TPTE2: variants seen among roughly 807,000 people sequenced by gnomAD.
TPTE2 encodes the protein transmembrane phosphoinositide 3-phosphatase and tensin homolog 2.
A neutral mutation model predicts 78.6 loss-of-function variants in TPTE2; 53 were observed. That is an observed-to-expected ratio of 0.67 (90% CI 0.54 to 0.85). The LOEUF (loss-of-function observed/expected upper bound fraction) is 0.85, where lower values mean the gene tolerates loss of function less well. Among genes scored for constraint, TPTE2 ranks in the 40% least tolerant of loss-of-function variants. The pLI is 0.00. For missense variants in TPTE2, 461 were observed against 623.0 expected (o/e 0.74, Z 2.77); for synonymous variants, 175 against 206.2 (o/e 0.85, Z 1.30).
At chr13:19,427,372 C>T (rs1372003649) in intron 17 of TPTE2, among the ~76,000 whole-genome samples, 2 of 151,904 alleles carry the variant, frequency 1.3e-5, no homozygotes, top group Non-Finnish European at 2.9e-5. Context: ...CATGAGCCAC[C>T]GTGCCCGGCC....
At chr13:19,525,969 C>T (rs1312095399) in intron 1 of TPTE2, among the ~76,000 whole-genome samples, 1 of 151,902 alleles carries the variant, frequency 6.6e-6, no homozygotes, top group Non-Finnish European at 1.5e-5. Flanking sequence ...TAGAGAAATG[C>T]AAATCAAAAC....
chr13:19,453,922 C>T (rs186779679), intron 10 of TPTE2, among the ~76,000 whole-genome samples: 4 of 152,286 alleles, frequency 2.6e-5, no homozygotes, highest in African/African-American at 7.2e-5. Context: ...GTAAAAAATG[C>T]TGTCTCCTCT....
At chr13:19,494,220 T>G (rs1180755185) in intron 1 of TPTE2, among the ~76,000 whole-genome samples, 1 of 152,168 alleles carries the variant, frequency 6.6e-6, no homozygotes, top group Non-Finnish European at 1.5e-5. Context: ...CCTCTCTCTA[T>G]AGTCAGTTTC....
rs1233351238 is a variant in TPTE2, at chr13:19,486,173, T to C, written c.120-3626A>G. 1.3e-5 allele frequency among the ~76,000 whole-genome samples: 2 copies of C among 152,226 alleles called. No individual in the cohort carries two copies. Among genetic ancestry groups the C allele is most frequent in the African/African-American group, 4.8e-5 (2 of 41,464 alleles). ...TGGAGTAGGTTTACTTGTATGAATTTATTTCTATGAATAGGTCTCGGATGT... is the reference window on the plus strand; with the variant it reads ...TGGAGTAGGTTTACTTGTATGAATTCATTTCTATGAATAGGTCTCGGATGT... On this transcript the variant is annotated intron_variant, in intron 3 of 19. Transcript: ENST00000400230. This position sits in a 1 kb window ranked among gnomAD's most constrained non-coding sequence, Gnocchi z 4.3.
At chr13:19,491,093 T>A in intron 3 of TPTE2, among the ~76,000 whole-genome samples, 1 of 152,234 alleles carries the variant, frequency 6.6e-6, no homozygotes, top group Non-Finnish European at 1.5e-5. Flanking sequence ...TCTGTATTGT[T>A]ATGGATGCTC....
chr13:19,557,515 C>A, the TPTE2 span, among the ~76,000 whole-genome samples: 19 of 152,300 alleles, frequency 1.2e-4, no homozygotes, highest in African/African-American at 4.1e-4. Flanking sequence ...AGCTGAAAGG[C>A]AGCTTAGAGA....
At chr13:19,542,326 C>A in the TPTE2 span, among the ~76,000 whole-genome samples, 551 of 152,280 alleles carry the variant, frequency 3.6e-3, 1 homozygote, top group Admixed American at 7.9e-3. Flanking sequence ...TTCTGAGAGT[C>A]TCCTGCTCAG....
chr13:19,492,937 A>T (rs1403062172), intron 2 of TPTE2, 34 bp from the exon 6 acceptor site: 10 of 1,613,158 alleles, frequency 6.2e-6, no homozygotes, highest in Non-Finnish European at 8.5e-6. Context: ...GTCAGATAGG[A>T]GACACGATTC....
intron 3 of TPTE2, among the ~76,000 whole-genome samples, chr13:19,484,072 T>G (rs1329030775): frequency 6.6e-6 from 1 of 152,170 alleles, no homozygotes; most frequent in African/African-American, 2.4e-5. Context: ...AATGATGAGT[T>G]CATGTCCTTT....
chr13:19,488,558 A>G (rs1235995986), intron 3 of TPTE2, among the ~76,000 whole-genome samples: 3 of 152,230 alleles, frequency 2.0e-5, no homozygotes, highest in Non-Finnish European at 4.4e-5. Context: ...TATGTTATAG[A>G]GATGGCTTCT....
chr13:19,477,293 T>C (rs9551537), intron 4 of TPTE2, among the ~76,000 whole-genome samples: 20,120 of 150,232 alleles, frequency 0.13, 1,493 homozygotes, highest in African/African-American at 0.19. Context: ...TGAAATAATA[T>C]GTTAAAAAAA....
chr13:19,475,620 G>C (rs755317716), exon 5 of TPTE2: 2 of 1,607,380 alleles, frequency 1.2e-6, no homozygotes, highest in African/African-American at 1.3e-5. Context: ...TCTTAATCTT[G>C]CTGCTGCAAA....
intron 1 of TPTE2, among the ~76,000 whole-genome samples, chr13:19,497,207 G>T (rs1202746144): frequency 7.0e-6 from 1 of 143,708 alleles, no homozygotes; most frequent in Non-Finnish European, 1.5e-5. Context: ...CTGCAAGGCG[G>T]CAGCGAGGCT....
At chr13:19,463,110 C>A (rs2497246) in intron 10 of TPTE2, among the ~76,000 whole-genome samples, 151,496 of 152,046 alleles carry the variant, frequency 1, 75,475 homozygotes, top group Middle Eastern at 1. Context: ...CAGCCTCCCA[C>A]GTAGCTTGGA....
intron 1 of TPTE2, among the ~76,000 whole-genome samples, chr13:19,501,262 A>C (rs373702858): frequency 1.3e-5 from 1 of 74,078 alleles, no homozygotes; most frequent in Non-Finnish European, 2.8e-5. Context: ...ATCCCCATCA[A>C]GCTACCAATG....
At chr13:19,433,914 C>G (rs570569486) in intron 15 of TPTE2, among the ~76,000 whole-genome samples, 2 of 152,326 alleles carry the variant, frequency 1.3e-5, no homozygotes, top group East Asian at 1.9e-4. Flanking sequence ...TGTGTGGGGA[C>G]AGTTGTTGAA....
At chr13:19,508,059 C>T (rs1481853969), upstream of TPTE2, among the ~76,000 whole-genome samples, 1 of 152,148 alleles carries the variant, frequency 6.6e-6, no homozygotes, top group Non-Finnish European at 1.5e-5. Flanking sequence ...GGGCACATCA[C>T]TTCTCTTCAT....
the TPTE2 span, chr13:19,561,179 C>T: frequency 3.8e-6 from 6 of 1,566,132 alleles, no homozygotes; most frequent in Non-Finnish European, 4.4e-6. Flanking sequence ...TCTCTGTCTC[C>T]GAGGAGCCCT....
intron 15 of TPTE2, among the ~76,000 whole-genome samples, chr13:19,434,932 T>C (rs1876962018): frequency 6.6e-6 from 1 of 152,192 alleles, no homozygotes; most frequent in Non-Finnish European, 1.5e-5. Flanking sequence ...AATTTTCTAA[T>C]TTATAAGATG....
Sources: gnomAD v4.1 joint callset for allele counts (sites outside exome capture counted in the v4.1 genomes callset) on GRCh38, gnomAD v4.1.1 for gene constraint, Gnocchi (gnomAD v3.1) non-coding constraint, MANE v1.5 for transcripts, NCBI Gene and HGNC (gene_info 2026-07-23, HGNC 2026-07-21) for gene names.